The following PDE12 variants were observed in gnomAD, a reference collection of about 807,000 sequenced individuals.
The protein encoded by PDE12 is phosphodiesterase 12.
A neutral mutation model predicts 45.4 loss-of-function variants in PDE12; 26 were observed. That is an observed-to-expected ratio of 0.57 (90% CI 0.42 to 0.79). The LOEUF (loss-of-function observed/expected upper bound fraction) is 0.79. PDE12 is among the 30% of genes least tolerant of loss of function. The pLI, the probability that PDE12 is intolerant of heterozygous loss-of-function variation, is 0.00. For missense variants in PDE12, 668 were observed against 790.0 expected (o/e 0.85, Z 1.85); for synonymous variants, 283 against 323.9 (o/e 0.87, Z 1.36).
chr3:57,612,624 A>G, the PDE12 span, among the ~76,000 whole-genome samples: 1 of 151,986 alleles, frequency 6.6e-6, no homozygotes, highest in Non-Finnish European at 1.5e-5. Context: ...TACAAAAATT[A>G]GTTGGGTGTG....
downstream of PDE12, among the ~76,000 whole-genome samples, chr3:57,567,490 T>C (rs567341607): frequency 1.3e-5 from 2 of 152,296 alleles, no homozygotes; most frequent in African/African-American, 4.8e-5. Context: ...CTGCTATTCA[T>C]TTCTCACAAT....
At chr3:57,636,964 T>C in the PDE12 span, among the ~76,000 whole-genome samples, 1 of 147,282 alleles carries the variant, frequency 6.8e-6, no homozygotes, top group African/African-American at 2.5e-5. Context: ...AAAAAAGTTA[T>C]CCATAGGAAG....
At chr3:57,595,578 T>C in the PDE12 span, among the ~76,000 whole-genome samples, 1 of 152,226 alleles carries the variant, frequency 6.6e-6, no homozygotes, top group Non-Finnish European at 1.5e-5. Context: ...AGCCAATGTA[T>C]ATACTGTTAC....
chr3:57,630,682 C>T, the PDE12 span: 5 of 1,596,426 alleles, frequency 3.1e-6, no homozygotes, highest in African/African-American at 1.4e-5. Flanking sequence ...TAAAGCACGA[C>T]ACATGGGTGT....
chr3:57,632,988 C>T, the PDE12 span, among the ~76,000 whole-genome samples: 2 of 152,102 alleles, frequency 1.3e-5, no homozygotes, highest in Non-Finnish European at 2.9e-5. Flanking sequence ...ATTTAAGATT[C>T]ACAACAGTCT....
the PDE12 span, among the ~76,000 whole-genome samples, chr3:57,616,274 T>A: frequency 5.9e-5 from 9 of 151,772 alleles, no homozygotes; most frequent in African/African-American, 2.2e-4. Context: ...CAGTGAGACA[T>A]GATTGCACCA....
the PDE12 span, among the ~76,000 whole-genome samples, chr3:57,640,814 C>A: frequency 6.6e-6 from 1 of 152,052 alleles, no homozygotes; most frequent in African/African-American, 2.4e-5. Context: ...TTTCTCATAT[C>A]TTCTCATACG....
At chr3:57,578,082 C>T in the PDE12 span, among the ~76,000 whole-genome samples, 6 of 151,988 alleles carry the variant, frequency 3.9e-5, no homozygotes, top group Non-Finnish European at 7.4e-5. Flanking sequence ...CATGAATTTA[C>T]TAACTGAATT....
chr3:57,639,519 A>G, the PDE12 span, among the ~76,000 whole-genome samples: 1 of 152,356 alleles, frequency 6.6e-6, no homozygotes, highest in African/African-American at 2.4e-5. Context: ...AAACCATGAA[A>G]ATGTCAAGAT....
At chr3:57,601,998 G>A in the PDE12 span, among the ~76,000 whole-genome samples, 2 of 150,286 alleles carry the variant, frequency 1.3e-5, no homozygotes, top group African/African-American at 4.9e-5. Context: ...CAAGTGATCT[G>A]CCCACCTCGG....
chr3:57,654,958 TTA>T, the PDE12 span: 1 of 261,070 alleles, frequency 3.8e-6, no homozygotes, highest in Non-Finnish European at 6.0e-6. Flanking sequence ...TCATTAGATA[TTA>T]AATGCTTGAT....
At chr3:57,623,194 GAGTCCA>G in the PDE12 span, among the ~76,000 whole-genome samples, 1 of 148,224 alleles carries the variant, frequency 6.7e-6, no homozygotes, top group Non-Finnish European at 1.5e-5. Context: ...AGGACTGCTT[GAGTCCA>G]AGGAGTTTCA....
chr3:57,641,798 G>C, the PDE12 span: 41 of 1,407,252 alleles, frequency 2.9e-5, no homozygotes, highest in Non-Finnish European at 3.9e-5. Flanking sequence ...AAAGATGAAT[G>C]CTAAATCAGT....
the PDE12 span, among the ~76,000 whole-genome samples, chr3:57,589,917 C>CCCAT: frequency 6.7e-6 from 1 of 148,586 alleles, no homozygotes; most frequent in African/African-American, 2.5e-5. Context: ...ATGGTGAAAC[C>CCCAT]CCATCTCTAC....
the PDE12 span, among the ~76,000 whole-genome samples, chr3:57,605,262 G>C: frequency 6.6e-6 from 1 of 152,086 alleles, no homozygotes; most frequent in Non-Finnish European, 1.5e-5. Flanking sequence ...AGAGAGGAGA[G>C]AGCAGCACAG....
chr3:57,624,340 CA>C, the PDE12 span, among the ~76,000 whole-genome samples: 1 of 151,958 alleles, frequency 6.6e-6, no homozygotes, highest in Admixed American at 6.6e-5. Context: ...TTAGTAGAGA[CA>C]GGGTTTCACT....
chr3:57,611,747 G>A, the PDE12 span, among the ~76,000 whole-genome samples: 1 of 152,184 alleles, frequency 6.6e-6, no homozygotes, highest in African/African-American at 2.4e-5. Flanking sequence ...AGGTGCTAGA[G>A]AGGATGTGGA....
Position 57,556,662 on chromosome 3 carries a change from A to G in PDE12, c.283A>G (p.Ser95Gly), listed in dbSNP as rs751658194. 11 of 1,599,876 alleles carry G rather than the reference A, an allele frequency of 6.9e-6. No homozygotes were observed. In the Admixed American group the frequency reaches 1.7e-4, roughly 24 times the overall value. The stretch of plus-strand genomic sequence containing the variant: ...CGCTAAGGCGGCCGCCGCCAAGAAG[A>G]GCAGGAAGAGCCGGCCGAATGCTAG... ...GHAKAAAAKK[S>G]RKSRPNASGG... The change falls in exon 1 of 3, where the codon AGC (serine) becomes GGC (glycine). Residue 95 changes from serine to glycine, a missense_variant. Around this residue, in one of 3 missense-constraint regions of PDE12, gnomAD observed 580 missense variants for 662.9 expected, o/e 0.87. Coordinates refer to ENST00000311180, the MANE Select transcript of PDE12 (RefSeq NM_177966.7). This position sits in a 1 kb window ranked among gnomAD's most constrained non-coding sequence, Gnocchi z 5.0.
At chr3:57,570,982 T>G (rs186765927), downstream of PDE12, among the ~76,000 whole-genome samples, 208 of 151,746 alleles carry the variant, frequency 1.4e-3, 5 homozygotes, top group African/African-American at 3.4e-3. Flanking sequence ...ACCTGATTTT[T>G]TTGTTGTTGT....
Sources: gnomAD v4.1 joint callset for allele counts (sites outside exome capture counted in the v4.1 genomes callset) on GRCh38, gnomAD v4.1.1 for gene constraint, gnomAD v4.1.1 regional missense constraint, Gnocchi (gnomAD v3.1) non-coding constraint, MANE v1.5 for transcripts, NCBI Gene and HGNC (gene_info 2026-07-23, HGNC 2026-07-21) for gene names.